Variants in AMOT observed in about 807,000 individuals in gnomAD.
AMOT encodes the protein angiomotin.
Under a neutral mutation model 67.0 loss-of-function variants are expected in AMOT, and 11 were observed. That is an observed-to-expected ratio of 0.16 (90% CI 0.10 to 0.27). The LOEUF is 0.27. Ranked by LOEUF, AMOT falls within the 10% of genes least tolerant of loss-of-function variation. The pLI, the probability that AMOT is intolerant of heterozygous loss-of-function variation, is 1.00. For missense variants in AMOT, 753 were observed against 852.0 expected (o/e 0.88, Z 1.45); for synonymous variants, 326 against 321.4 (o/e 1.01, Z -0.15).
In AMOT at chrX:112,840,554, G is replaced by A. The variant is rs1935267284; in HGVS notation, c.-391C>T. 4 of 113,064 alleles carry A rather than the reference G, an allele frequency of 3.5e-5. No individual in the cohort carries two copies. The highest frequency in any genetic ancestry group is 9.6e-5 in the African/African-American group (3 of 31,147). The allele number at this position is 113,064 out of a possible 1,213,427, so 9.3% of individuals were successfully genotyped here. A position where few individuals can be genotyped will look rare whatever the true frequency, so the allele number is the denominator to read the frequency against. On this transcript the variant is annotated 5_prime_UTR_variant, in exon 1 of 14. Coordinates refer to ENST00000371959, the MANE Select transcript of AMOT (RefSeq NM_001113490.2). The stretch of plus-strand genomic sequence containing the variant: ...GGGCAGGGGGGAAGCCCCAACTCCC[G>A]GCTGCTCCCCTCCTCGCTGCTCCGT...
At chrX:112,803,031 C>T (rs1212124083) in intron 8 of AMOT, among the ~76,000 whole-genome samples, 1 of 112,061 alleles carries the variant, frequency 8.9e-6, no homozygotes, top group Admixed American at 9.5e-5. Context: ...GGAGGGGCAG[C>T]AGGACTCTCT....
intron 8 of AMOT, 30 bp from the exon 9 acceptor site, chrX:112,792,011 G>A: frequency 1.7e-6 from 2 of 1,207,093 alleles, no homozygotes; most frequent in Non-Finnish European, 2.2e-6. Context: ...AATTTGCAAG[G>A]TGAAAGGAAA....
Position 112,815,871 on chromosome X carries a change from C to T in AMOT, c.879G>A (p.Ala293=), listed in dbSNP as rs1934540456. Residue 293 remains alanine, a synonymous_variant, in exon 5 of 14, where the codon GCG becomes GCA. Coordinates refer to ENST00000371959, the MANE Select transcript of AMOT (RefSeq NM_001113490.2). ...CTGACAATGGCAATGAGATGTCCTG[C>T]GCTGGCCTGTAAAACATGAAGGGCA... is the stretch of plus-strand genomic sequence containing the variant. ...HPPEYGAARP[A]QDISLPLSAR... The T allele has an allele frequency of 3.4e-6, 4 of 1,163,299 alleles. No individual in the cohort carries two copies. Among genetic ancestry groups the T allele is most frequent in the East Asian group, 6.5e-5 (2 of 30,684 alleles).
intron 7 of AMOT, among the ~76,000 whole-genome samples, chrX:112,808,520 C>G (rs969304227): frequency 2.7e-5 from 3 of 111,882 alleles, no homozygotes; most frequent in African/African-American, 9.7e-5. Context: ...AGAGTCATGC[C>G]CTCTTCCCTG....
intron 2 of AMOT, among the ~76,000 whole-genome samples, chrX:112,829,996 A>AAT (rs1845781906): frequency 8.9e-6 from 1 of 111,891 alleles, no homozygotes; most frequent in Admixed American, 9.5e-5. Flanking sequence ...AAAGTTTAAG[A>AAT]ATATACCTAG....
chrX:112,837,489 T>A (rs1410236894), intron 1 of AMOT, among the ~76,000 whole-genome samples: 3 of 111,855 alleles, frequency 2.7e-5, no homozygotes, highest in African/African-American at 9.7e-5. Flanking sequence ...TGACCTCCTA[T>A]TTTCTTTCTT....
chrX:112,820,458 C>G (rs1299923200), intron 4 of AMOT, among the ~76,000 whole-genome samples: 18 of 111,666 alleles, frequency 1.6e-4, no homozygotes, highest in Non-Finnish European at 1.9e-5. Context: ...TTTATTTAGG[C>G]AGATCAAAGG....
At chrX:112,816,643 C>T (rs892639355) in intron 4 of AMOT, among the ~76,000 whole-genome samples, 5 of 111,851 alleles carry the variant, frequency 4.5e-5, no homozygotes, top group Non-Finnish European at 7.5e-5. Context: ...TATCACTGGA[C>T]AGATGGGGAA....
chrX:112,811,150 G>A (rs995120515), intron 6 of AMOT, 99 bp downstream of exon 6: 2 of 1,109,759 alleles, frequency 1.8e-6, no homozygotes, highest in Non-Finnish European at 2.4e-6. Flanking sequence ...CGGTGGGTTG[G>A]ACAACCCCAA....
chrX:112,801,378 G>T (rs1934011979), intron 8 of AMOT, among the ~76,000 whole-genome samples: 1 of 111,343 alleles, frequency 9.0e-6, no homozygotes, highest in Admixed American at 9.6e-5. Context: ...CATTTACCTC[G>T]TTCGGCTGCT....
At chrX:112,838,680 CCTTT>C (rs1935196952) in intron 1 of AMOT, among the ~76,000 whole-genome samples, 1 of 112,139 alleles carries the variant, frequency 8.9e-6, no homozygotes, top group Non-Finnish European at 1.9e-5. Flanking sequence ...ATTAAAATTC[CCTTT>C]CTAAAATCTT....
intron 8 of AMOT, among the ~76,000 whole-genome samples, chrX:112,795,248 C>CTG (rs575390682): frequency 0.079 from 8,172 of 104,094 alleles, 804 homozygotes; most frequent in African/African-American, 0.26. Flanking sequence ...GTCTCTCTCT[C>CTG]TGTGTGTGTG....
At position 112,808,045 on chromosome X, in the gene AMOT, G is replaced by A. The variant is rs747915844; in HGVS notation, c.1630+1849C>T. Among the ~76,000 whole-genome samples, 9 of 112,075 alleles carry A rather than the reference G, an allele frequency of 8.0e-5. No individual in the cohort carries two copies. In the South Asian group the frequency reaches 3.4e-3, roughly 42 times the overall value. ...GTAGTTTCGATTTTTTGGAGGTTAA[G>A]TGCTCTTCATCTGGAGACTTAAACC... On this transcript the variant is annotated intron_variant, in intron 7 of 13. Transcript: ENST00000371959.
intron 7 of AMOT, among the ~76,000 whole-genome samples, chrX:112,807,416 C>A (rs1384901703): frequency 9.1e-6 from 1 of 110,319 alleles, no homozygotes; most frequent in African/African-American, 3.3e-5. Context: ...ACAAGTCACA[C>A]TAAAAGGTAA....
intron 12 of AMOT, 176 bp downstream of exon 12, chrX:112,780,710 G>T (rs1933123218): frequency 4.3e-6 from 2 of 459,876 alleles, no homozygotes; most frequent in Admixed American, 8.0e-5. Context: ...ACTTCAAAGT[G>T]TGGAGGAGCT....
chrX:112,815,910 T>C (rs1338332365), intron 4 of AMOT, 33 bp from the exon 5 acceptor site: 24 of 1,149,223 alleles, frequency 2.1e-5, no homozygotes, highest in Non-Finnish European at 2.5e-5. Flanking sequence ...GCGGGTTAAT[T>C]TCTCTCCTAA....
intron 5 of AMOT, among the ~76,000 whole-genome samples, chrX:112,814,535 A>AG (rs972266305): frequency 1.8e-5 from 2 of 110,960 alleles, no homozygotes; most frequent in African/African-American, 3.3e-5. Flanking sequence ...CAATGACAAA[A>AG]GCTGCAAAGA....
intron 10 of AMOT, among the ~76,000 whole-genome samples, chrX:112,787,089 G>A (rs1933387099): frequency 9.0e-6 from 1 of 111,394 alleles, no homozygotes; most frequent in Admixed American, 9.6e-5. Flanking sequence ...TAAAAACCTA[G>A]GTTTTCACGC....
At chrX:112,829,276 A>G (rs987556810) in intron 2 of AMOT, among the ~76,000 whole-genome samples, 2 of 111,229 alleles carry the variant, frequency 1.8e-5, no homozygotes, top group African/African-American at 6.6e-5. Context: ...ATGGGGGCAG[A>G]TCTTCTTGGT....
Sources: gnomAD v4.1 joint callset for allele counts (sites outside exome capture counted in the v4.1 genomes callset) on GRCh38, gnomAD v4.1.1 for gene constraint, MANE v1.5 for transcripts, NCBI Gene and HGNC (gene_info 2026-07-23, HGNC 2026-07-21) for gene names.